Variants in TRDN observed in about 807,000 individuals in gnomAD.
The protein encoded by TRDN is triadin in skeletal muscle.
A neutral mutation model predicts 149.7 loss-of-function variants in TRDN; 161 were observed. The observed-to-expected ratio is 1.08, with a 90% CI of 0.95 to 1.23. The LOEUF is 1.23. Among genes scored for constraint, TRDN ranks in the 50% most tolerant of loss-of-function variants. TRDN has a pLI of 0.00. For missense variants in TRDN, 896 were observed against 823.5 expected, an observed-to-expected ratio of 1.09 and a Z score of -1.08; for synonymous variants, 294 against 250.5, an observed-to-expected ratio of 1.17 and a Z score of -1.64.
At chr6:123,561,914 C>A (rs1259099420) in intron 2 of TRDN, among the ~76,000 whole-genome samples, 1 of 151,966 alleles carries the variant, frequency 6.6e-6, no homozygotes, top group African/African-American at 2.4e-5. Context: ...TGTTATTTTT[C>A]TTATTAATAT....
chr6:123,338,850 T>C (rs1350439411), intron 21 of TRDN, among the ~76,000 whole-genome samples: 1 of 152,158 alleles, frequency 6.6e-6, no homozygotes, highest in African/African-American at 2.4e-5. Flanking sequence ...AGTAAAGTTA[T>C]ATAGATAATA....
At chr6:123,482,323 G>T (rs1471645098) in intron 9 of TRDN, among the ~76,000 whole-genome samples, 1 of 152,142 alleles carries the variant, frequency 6.6e-6, no homozygotes, top group African/African-American at 2.4e-5. Flanking sequence ...AACATAAACT[G>T]AAATATTTTG....
rs370429222 is a variant in TRDN at position 123,624,893 on chromosome 6, A to G, written c.22+11861T>C. On this transcript the variant is annotated intron_variant, in intron 1 of 40. Coordinates refer to ENST00000334268, the MANE Select transcript of TRDN (RefSeq NM_006073.4). ...GGAAACATAATAACTGTTAAAAACG[A>G]ATCAGAAACATGAAACATCCAGCTT... Among the ~76,000 whole-genome samples the G allele has an allele frequency of 3.9e-4, 59 of 152,272 alleles. No individual in the cohort carries two copies. The East Asian group carries it at 0.01, about 27-fold the overall frequency.
At chr6:123,508,971 A>G (rs1562354373) in intron 7 of TRDN, among the ~76,000 whole-genome samples, 1 of 152,168 alleles carries the variant, frequency 6.6e-6, no homozygotes, top group Non-Finnish European at 1.5e-5. Flanking sequence ...TTCTTATAAT[A>G]ACATAATACA....
chr6:123,420,186 T>C (rs183558576), intron 12 of TRDN, among the ~76,000 whole-genome samples: 2 of 152,320 alleles, frequency 1.3e-5, no homozygotes, highest in African/African-American at 4.8e-5. Context: ...AATGATCTAA[T>C]TGCTATTTTT....
intron 38 of TRDN, among the ~76,000 whole-genome samples, chr6:123,230,299 A>G (rs1467495746): frequency 6.6e-6 from 1 of 151,944 alleles, no homozygotes; most frequent in East Asian, 1.9e-4. Context: ...AAAAAACCAA[A>G]CACCACATGT....
intron 1 of TRDN, among the ~76,000 whole-genome samples, chr6:123,610,876 C>G (rs1416372934): frequency 6.6e-6 from 1 of 152,094 alleles, no homozygotes; most frequent in Non-Finnish European, 1.5e-5. Context: ...TCTAGGAGAG[C>G]AGATCAGATC....
intron 21 of TRDN, 72 bp from the exon 22 acceptor site, chr6:123,337,741 GT>G: frequency 1.2e-6 from 1 of 863,042 alleles, no homozygotes; most frequent in Non-Finnish European, 1.8e-6. Context: ...CTCTTCATGT[GT>G]TTTGTATACT....
intron 2 of TRDN, among the ~76,000 whole-genome samples, chr6:123,563,138 A>T (rs550414312): frequency 3.3e-4 from 51 of 152,324 alleles, no homozygotes; most frequent in African/African-American, 1.1e-3. Context: ...GCAATGTAAA[A>T]CTAAGTTTAC....
chr6:123,228,721 A>G (rs954839971), intron 38 of TRDN, among the ~76,000 whole-genome samples: 3 of 151,822 alleles, frequency 2.0e-5, no homozygotes, highest in African/African-American at 7.3e-5. Context: ...ATGAACTTCT[A>G]AACCCACTTC....
intron 26 of TRDN, among the ~76,000 whole-genome samples, chr6:123,277,340 C>A (rs1777404033): frequency 6.6e-6 from 1 of 152,022 alleles, no homozygotes. Context: ...ATATTTTGCA[C>A]CTATGGAGGA....
chr6:123,345,526 G>T (rs1225152990), intron 21 of TRDN, among the ~76,000 whole-genome samples: 1 of 151,934 alleles, frequency 6.6e-6, no homozygotes, highest in Non-Finnish European at 1.5e-5. Context: ...TTCCAGTGCT[G>T]TGTTGGCTCT....
chr6:123,551,342 T>TACACACACACACACAC (rs10638140), intron 2 of TRDN, among the ~76,000 whole-genome samples: 1 of 141,102 alleles, frequency 7.1e-6, no homozygotes, highest in Non-Finnish European at 1.6e-5. Context: ...AAAACCTAAA[T>TACACACACACACACAC]ACACACACAC....
chr6:123,292,360 C>T (rs1039762627), intron 24 of TRDN, among the ~76,000 whole-genome samples: 2 of 151,996 alleles, frequency 1.3e-5, no homozygotes, highest in African/African-American at 4.8e-5. Context: ...CCCTTTTTAG[C>T]AGTGTGGGAG....
chr6:123,487,853 C>G (rs1778041426), intron 9 of TRDN, among the ~76,000 whole-genome samples: 1 of 152,084 alleles, frequency 6.6e-6, no homozygotes. Context: ...ATCCATCTTT[C>G]AAGTTCTAGA....
At chr6:123,521,334 T>A (rs1779669374) in intron 5 of TRDN, among the ~76,000 whole-genome samples, 1 of 152,054 alleles carries the variant, frequency 6.6e-6, no homozygotes, top group Admixed American at 6.6e-5. Context: ...TAGTCCCTAA[T>A]CCAATAGGAC....
intron 9 of TRDN, among the ~76,000 whole-genome samples, chr6:123,490,440 A>G (rs968056596): frequency 6.6e-6 from 1 of 152,212 alleles, no homozygotes; most frequent in Non-Finnish European, 1.5e-5. Flanking sequence ...ATGGTGTCCA[A>G]TTTAAAACTT....
chr6:123,555,479 C>T (rs920122061), intron 2 of TRDN, among the ~76,000 whole-genome samples: 4 of 151,978 alleles, frequency 2.6e-5, no homozygotes, highest in Admixed American at 1.3e-4. Context: ...TGCCAGTGGA[C>T]GTTTCTAAAT....
At chr6:123,385,432 A>AAG (rs1170724498) in intron 14 of TRDN, among the ~76,000 whole-genome samples, 13 of 151,156 alleles carry the variant, frequency 8.6e-5, no homozygotes, top group African/African-American at 3.2e-4. Context: ...TCAAAAAAAA[A>AAG]AAGAAAAAAA....
Sources: gnomAD v4.1 joint callset for allele counts (sites outside exome capture counted in the v4.1 genomes callset) on GRCh38, gnomAD v4.1.1 for gene constraint, MANE v1.5 for transcripts, NCBI Gene and HGNC (gene_info 2026-07-23, HGNC 2026-07-21) for gene names.